Variants in FHIT observed in about 807,000 individuals in gnomAD.
The protein encoded by FHIT is fragile histidine triad diadenosine triphosphatase, also known as bis(5'-adenosyl)-triphosphatase.
Under a neutral mutation model 17.9 loss-of-function variants are expected in FHIT, and 19 were observed. That is an observed-to-expected ratio of 1.06 (90% CI 0.74 to 1.56). The LOEUF (loss-of-function observed/expected upper bound fraction) is 1.56, where lower values mean the gene tolerates loss of function less well. Ranked by LOEUF, FHIT falls within the 40% of genes most tolerant of loss-of-function variation. The pLI is 0.00. For missense variants in FHIT, 248 were observed against 189.2 expected, an observed-to-expected ratio of 1.31 and a Z score of -1.82; for synonymous variants, 81 against 69.7, an observed-to-expected ratio of 1.16 and a Z score of -0.81.
At chr3:60,962,397 C>T (rs1368690069) in intron 3 of FHIT, among the ~76,000 whole-genome samples, 1 of 152,212 alleles carries the variant, frequency 6.6e-6, no homozygotes, top group African/African-American at 2.4e-5. Flanking sequence ...TTGACTTCCT[C>T]TTTTCCTAAT....
chr3:60,835,302 T>C (rs531941172), intron 3 of FHIT, among the ~76,000 whole-genome samples: 19 of 152,304 alleles, frequency 1.2e-4, no homozygotes, highest in African/African-American at 4.6e-4. Flanking sequence ...TAAACCTGTA[T>C]ATCAATTTGG....
intron 5 of FHIT, among the ~76,000 whole-genome samples, chr3:60,465,918 T>C (rs1292804806): frequency 6.6e-6 from 1 of 152,074 alleles, no homozygotes; most frequent in East Asian, 1.9e-4. Flanking sequence ...TCTATTTTCA[T>C]GAAGAATGTC....
chr3:60,961,509 C>T (rs961772325), intron 3 of FHIT, among the ~76,000 whole-genome samples: 2 of 152,202 alleles, frequency 1.3e-5, no homozygotes, highest in African/African-American at 4.8e-5. Flanking sequence ...TTACCCATGC[C>T]TATATCCTGA....
chr3:59,822,824 C>A (rs1700844026), intron 8 of FHIT, among the ~76,000 whole-genome samples: 1 of 152,044 alleles, frequency 6.6e-6, no homozygotes, highest in African/African-American at 2.4e-5. Context: ...ACCTATTTAT[C>A]TTTGTTTTTG....
intron 4 of FHIT, among the ~76,000 whole-genome samples, chr3:60,647,273 G>A (rs544867398): frequency 6.6e-6 from 1 of 152,278 alleles, no homozygotes; most frequent in African/African-American, 2.4e-5. Context: ...CAGGTAATTT[G>A]TTTTTCAGAA....
At chr3:59,958,444 C>A (rs1336887669) in intron 7 of FHIT, among the ~76,000 whole-genome samples, 1 of 152,096 alleles carries the variant, frequency 6.6e-6, no homozygotes, top group Non-Finnish European at 1.5e-5. Context: ...GGCAATTCCT[C>A]TTTTGAAAAA....
Position 60,273,190 on chromosome 3 carries a change from T to G in FHIT, c.104-259038A>C, listed in dbSNP as rs554440461. Among the ~76,000 whole-genome samples the G allele has an allele frequency of 5.3e-5, 8 of 152,310 alleles. No homozygotes were observed. The East Asian group carries it at 1.5e-3, about 29-fold the overall frequency. On this transcript the variant is annotated intron_variant, in intron 5 of 9. Coordinates refer to ENST00000492590, the MANE Select transcript of FHIT (RefSeq NM_002012.4). ...GTTGGAAAATGAAGATTTAGAGATT[T>G]GGGGAATTCTCTAATGTTCTACATA...
intron 1 of FHIT, among the ~76,000 whole-genome samples, chr3:61,220,909 A>T (rs1203566471): frequency 1.3e-5 from 2 of 152,168 alleles, no homozygotes; most frequent in Admixed American, 1.3e-4. Context: ...CATACACACA[A>T]CACGACATGC....
intron 5 of FHIT, among the ~76,000 whole-genome samples, chr3:60,400,580 G>T (rs1340778220): frequency 6.6e-6 from 1 of 152,156 alleles, no homozygotes; most frequent in South Asian, 2.1e-4. Flanking sequence ...CCAAGGGGAA[G>T]AGCTGAGCAG....
chr3:60,789,564 T>A (rs1369612832), intron 4 of FHIT, among the ~76,000 whole-genome samples: 3 of 152,144 alleles, frequency 2.0e-5, no homozygotes, highest in Non-Finnish European at 4.4e-5. Context: ...CCCGTTTGCT[T>A]TCCTAAGAGT....
intron 5 of FHIT, among the ~76,000 whole-genome samples, chr3:60,403,836 C>T (rs970597571): frequency 7.9e-5 from 12 of 152,188 alleles, no homozygotes; most frequent in African/African-American, 2.9e-4. Flanking sequence ...ATTCTGAAGG[C>T]TCCCATGTCA....
chr3:61,207,253 T>A (rs937550645), intron 1 of FHIT, among the ~76,000 whole-genome samples: 7 of 152,188 alleles, frequency 4.6e-5, no homozygotes, highest in African/African-American at 1.7e-4. Flanking sequence ...GCATTGATGT[T>A]CATCAGGGAT....
chr3:59,959,270 A>G (rs1389535007), intron 7 of FHIT, among the ~76,000 whole-genome samples: 1 of 152,206 alleles, frequency 6.6e-6, no homozygotes, highest in Non-Finnish European at 1.5e-5. Context: ...TGTCGGAGCT[A>G]CCCTTTAAAG....
rs537059158 is a variant in FHIT at position 60,941,170 on chromosome 3, G to T, written c.-111+100877C>A. 2.6e-5 allele frequency among the ~76,000 whole-genome samples: 4 copies of T among 152,226 alleles called. No homozygotes were observed. The South Asian group carries it at 6.2e-4, about 24-fold the overall frequency. ...TCCACTTACAGCATGTCCCCATTCA[G>T]ACTGGCCACATTTCAAGTACTCAAC... On this transcript the variant is annotated intron_variant, in intron 3 of 9. Transcript: ENST00000492590.
At chr3:60,951,180 G>A (rs1708870618) in intron 3 of FHIT, among the ~76,000 whole-genome samples, 1 of 151,996 alleles carries the variant, frequency 6.6e-6, no homozygotes, top group Non-Finnish European at 1.5e-5. Context: ...AAAAAATACT[G>A]GATACAAGAA....
intron 4 of FHIT, among the ~76,000 whole-genome samples, chr3:60,608,298 G>A (rs782515390): frequency 1.1e-4 from 16 of 152,024 alleles, no homozygotes; most frequent in East Asian, 1.9e-4. Context: ...CAGAATCAGC[G>A]GGGGTAAACA....
chr3:61,007,591 T>A (rs1308043077), intron 3 of FHIT, among the ~76,000 whole-genome samples: 3 of 152,124 alleles, frequency 2.0e-5, no homozygotes, highest in Non-Finnish European at 4.4e-5. Flanking sequence ...AAATCAGGAG[T>A]CAATAGTTAC....
At chr3:60,626,783 C>CT (rs71627548) in intron 4 of FHIT, among the ~76,000 whole-genome samples, 1,212 of 85,932 alleles carry the variant, frequency 0.014, 24 homozygotes, top group African/African-American at 0.029. Flanking sequence ...GGGGAAAACA[C>CT]TCTTTTTTTT....
At chr3:61,091,947 A>C (rs2035497434) in intron 2 of FHIT, among the ~76,000 whole-genome samples, 1 of 150,566 alleles carries the variant, frequency 6.6e-6, no homozygotes, top group Admixed American at 6.6e-5. Flanking sequence ...AAAAAAAAAA[A>C]AAAAAAAAAA....
Sources: gnomAD v4.1 joint callset for allele counts (sites outside exome capture counted in the v4.1 genomes callset) on GRCh38, gnomAD v4.1.1 for gene constraint, MANE v1.5 for transcripts, NCBI Gene and HGNC (gene_info 2026-07-23, HGNC 2026-07-21) for gene names.